Variants in CRB2 observed in about 807,000 individuals in gnomAD.
The protein encoded by CRB2 is protein crumbs homolog 2.
CRB2 carries 85 observed loss-of-function variants against 110.9 expected under a neutral mutation model. That is an observed-to-expected ratio of 0.77 (90% CI 0.64 to 0.92). CRB2 has a LOEUF of 0.92. CRB2 is among the 40% of genes least tolerant of loss of function. CRB2 has a pLI of 0.00. For missense variants in CRB2, 1,843 were observed against 1,851.3 expected (o/e 1.00, Z 0.08); for synonymous variants, 907 against 831.0 (o/e 1.09, Z -1.57).
chr9:123,366,202 A>T (rs914177015), intron 3 of CRB2, 25 bp from the exon 4 acceptor site: 5 of 1,398,166 alleles, frequency 3.6e-6, no homozygotes, highest in Non-Finnish European at 4.6e-6. Context: ...GCGCGCGCTC[A>T]GCTCCGCCGG....
At chr9:123,365,407 C>T (rs937054815) in intron 2 of CRB2, among the ~76,000 whole-genome samples, 4 of 152,300 alleles carry the variant, frequency 2.6e-5, no homozygotes, top group South Asian at 4.1e-4. Flanking sequence ...GACTCACCTC[C>T]GCCACCCTCT....
chr9:123,371,194 G>T lies in CRB2; in HGVS notation c.2052G>T (p.Leu684=). ...FLLRTRESAG[L]LLQFANDSAA... is the part of the protein sequence containing the mutation. ...TCCGCACTCGGGAGTCCGCTGGCCT[G>T]TTGCTCCAGTTTGCCAATGACTCCG... The change falls in exon 8 of 13, where the codon CTG becomes CTT. Residue 684 remains leucine (L), a synonymous_variant. Transcript: ENST00000373631. 1 of 1,613,908 alleles carries T rather than the reference G, an allele frequency of 6.2e-7. No individual in the cohort carries two copies. The highest frequency in any genetic ancestry group is 2.2e-5 in the East Asian group (1 of 44,888).
chr9:123,374,398 G>A (rs2042071486), intron 10 of CRB2, among the ~76,000 whole-genome samples, 181 bp from the exon 11 acceptor site: 1 of 134,448 alleles, frequency 7.4e-6, no homozygotes. Flanking sequence ...CTGAGACTCT[G>A]GAAAGCGAGT....
chr9:123,374,046 T>C (rs2132796456), intron 10 of CRB2, 126 bp downstream of exon 10: 1 of 1,167,314 alleles, frequency 8.6e-7, no homozygotes. Context: ...ATCTGTGACA[T>C]GAGGAGGACA....
chr9:123,378,808 T>TTTG (rs1229676943), downstream of CRB2: 18 of 68,984 alleles, frequency 2.6e-4, no homozygotes, highest in Admixed American at 2.1e-3. Flanking sequence ...GTTTTTTGTT[T>TTTG]TTTTTTTTTT....
At chr9:123,374,228 C>A in intron 10 of CRB2, 1 of 594,360 alleles carries the variant, frequency 1.7e-6, no homozygotes, top group Non-Finnish European at 3.0e-6. Flanking sequence ...GGCTTTGGCG[C>A]TTCCCTTATT....
In CRB2 at chr9:123,372,326, C is replaced by T. The variant is rs889723856; in HGVS notation, c.2586C>T (p.Val862=). 5 of 1,601,024 alleles carry T rather than the reference C, an allele frequency of 3.1e-6. No individual in the cohort carries two copies. Among genetic ancestry groups the T allele is most frequent in the Admixed American group, 1.7e-5 (1 of 59,244 alleles). ...TCCCACCTGCCACGTGTGAGGAGGT[C>T]CCTGATGGCTTTGTGTGTGAGTGTG... ...PCLPPATCEE[V]PDGFVCVAEA... Residue 862 remains valine, a synonymous_variant, in exon 9 of 13, where the codon GTC becomes GTT. Coordinates refer to ENST00000373631, the MANE Select transcript of CRB2 (RefSeq NM_173689.7).
chr9:123,356,188 G>A (rs905654962), upstream of CRB2: 8 of 1,057,878 alleles, frequency 7.6e-6, no homozygotes, highest in South Asian at 3.7e-5. Flanking sequence ...TTGGAGGGAC[G>A]AGGGGGGTGC....
Position 123,367,679 on chromosome 9 carries a change from C to T in CRB2, c.1047C>T (p.Gly349=), listed in dbSNP as rs768051513. ...GCTTCCAGTGTCACTGCCCAGATGG[C>T]TACGCAGGTGTCTGGGGTGGGGTGG... The part of the protein sequence containing the change: ...PNGFQCHCPD[G]YAGPTCEEDV... Residue 349 remains glycine (G), a synonymous_variant, in exon 6 of 13, where the codon GGC becomes GGT. Coordinates refer to ENST00000373631, the MANE Select transcript of CRB2 (RefSeq NM_173689.7). 1.9e-6 allele frequency: 3 copies of T among 1,556,320 alleles called. No homozygotes were observed. Among genetic ancestry groups the T allele is most frequent in the Non-Finnish European group, 2.6e-6 (3 of 1,150,700 alleles).
chr9:123,355,388 C>T (rs960830922), upstream of CRB2, among the ~76,000 whole-genome samples: 5 of 151,810 alleles, frequency 3.3e-5, 1 homozygote, highest in South Asian at 6.2e-4. Flanking sequence ...GCAGTGAGGT[C>T]GCTGGAGTTG....
chr9:123,371,202 A>G lies in CRB2; in HGVS notation c.2060A>G (p.Gln687Arg), dbSNP rs2042010779. The G allele has an allele frequency of 1.9e-6, 3 of 1,613,904 alleles. No homozygotes were observed. The highest frequency in any genetic ancestry group is 1.7e-5 in the Admixed American group (1 of 60,028). The part of the protein sequence containing the change: ...RTRESAGLLL[Q>R]FANDSAAGLT... ...CGGGAGTCCGCTGGCCTGTTGCTCC[A>G]GTTTGCCAATGACTCCGCAGCTGGC... The change falls in exon 8 of 13, where the codon CAG becomes CGG. Residue 687 changes from glutamine to arginine, a missense_variant. Physicochemically the swap from Gln to Arg is conservative, Grantham distance 43. Coordinates refer to ENST00000373631, the MANE Select transcript of CRB2 (RefSeq NM_173689.7).
rs554866621 is a variant in CRB2, at chr9:123,369,811, C to T, written c.1055-297C>T. ...CTGAAGGCTGGCGAACTGGGGGATG[C>T]GGGATGGTAGCCCAGACAGCTGGTA... On this transcript the variant is annotated intron_variant, in intron 6 of 12. Coordinates refer to ENST00000373631, the MANE Select transcript of CRB2 (RefSeq NM_173689.7). Among the ~76,000 whole-genome samples, 84 of 151,996 alleles carry T rather than the reference C, an allele frequency of 5.5e-4. 1 individual carries two copies. Among genetic ancestry groups the T allele is most frequent in the African/African-American group, 1.8e-3 (73 of 41,446 alleles).
rs763874725 is a variant in CRB2 at position 123,362,873 on chromosome 9, C to A, written c.103C>A (p.Pro35Thr). ...GTTTCTTCTTTCTACAGGGACGGTGCCTTCAGAGCCCCCCAGTGCCTGTGC... is the reference window on the plus strand; with the variant it reads ...GTTTCTTCTTTCTACAGGGACGGTGACTTCAGAGCCCCCCAGTGCCTGTGC... ...PALSLLAGTV[P>T]SEPPSACASD... Residue 35 changes from proline to threonine, a missense_variant, in exon 2 of 13, where the codon CCT (proline) becomes ACT (threonine). Transcript: ENST00000373631. The A allele has an allele frequency of 2.5e-6, 4 of 1,578,824 alleles. No homozygotes were observed. The highest frequency in any genetic ancestry group is 3.5e-6 in the Non-Finnish European group (4 of 1,154,502).
intron 1 of CRB2, among the ~76,000 whole-genome samples, chr9:123,361,603 C>T: frequency 7.5e-6 from 1 of 133,548 alleles, no homozygotes; most frequent in Non-Finnish European, 1.6e-5. Context: ...TTTGGGAGCT[C>T]CGGATGGGGG....
Position 123,377,184 on chromosome 9 carries a change from C to G in CRB2, c.*122C>G, listed in dbSNP as rs930676139. ...GAAGTGTCCCCTTGGCTGGCAGCCT[C>G]TGCCTCTGCCTCTGCCCCATCCTGG... On this transcript the variant is annotated 3_prime_UTR_variant, in exon 13 of 13. Transcript: ENST00000373631. 2 of 835,512 alleles carry G rather than the reference C, an allele frequency of 2.4e-6. No individual in the cohort carries two copies. The highest frequency in any genetic ancestry group is 3.4e-5 in the African/African-American group (2 of 58,152). 51.8% of individuals were successfully genotyped at this position (835,512 alleles called of 1,614,324 possible).
At chr9:123,374,744 G>T in intron 11 of CRB2, 49 bp downstream of exon 11, 1 of 1,377,936 alleles carries the variant, frequency 7.3e-7, no homozygotes. Context: ...GAATGTGGAG[G>T]GCTGTTCCTC....
intron 2 of CRB2, among the ~76,000 whole-genome samples, chr9:123,365,446 G>A (rs888662719): frequency 5.3e-5 from 8 of 151,866 alleles, no homozygotes; most frequent in Non-Finnish European, 8.8e-5. Context: ...CAATAACCCC[G>A]CCTAGGGCAT....
At chr9:123,368,920 T>A (rs910358128) in intron 6 of CRB2, 1 of 1,257,322 alleles carries the variant, frequency 8.0e-7, no homozygotes, top group Non-Finnish European at 1.0e-6. Context: ...CTGTGGACCT[T>A]CCTGGGCCAC....
rs2041796224 is a variant in CRB2, at chr9:123,356,247, CAGAGCG to C, written c.-13_-8del. The C allele has an allele frequency of 1.3e-5, 16 of 1,238,454 alleles. No individual in the cohort carries two copies. The South Asian group carries it at 2.3e-4, about 18-fold the overall frequency. The allele number at this position is 1,238,454 out of a possible 1,614,324, so 76.7% of individuals were successfully genotyped here. A position where few individuals can be genotyped will look rare whatever the true frequency, so the allele number is the denominator to read the frequency against. ...GTTCTCACAGCAGCCGAGCAGAGCG[CAGAGCG>C]GGCTGCCATGGCGCTGGCCAGGCCT... On this transcript the variant is annotated 5_prime_UTR_variant, in exon 1 of 13. Transcript: ENST00000373631.
Sources: gnomAD v4.1 joint callset for allele counts (sites outside exome capture counted in the v4.1 genomes callset) on GRCh38, gnomAD v4.1.1 for gene constraint, MANE v1.5 for transcripts, NCBI Gene and HGNC (gene_info 2026-07-23, HGNC 2026-07-21) for gene names.